APBA2: variants seen among roughly 807,000 people sequenced by gnomAD.
APBA2 encodes amyloid beta precursor protein binding family A member 2.
A neutral mutation model predicts 75.0 loss-of-function variants in APBA2; 30 were observed. The observed-to-expected ratio is 0.40, with a 90% CI of 0.30 to 0.54. The LOEUF (loss-of-function observed/expected upper bound fraction) is 0.54. APBA2 is among the 20% of genes least tolerant of loss of function. APBA2 has a pLI of 0.49. For missense variants in APBA2, 801 were observed against 1,016.1 expected, an observed-to-expected ratio of 0.79 and a Z score of 2.88; for synonymous variants, 444 against 409.6, an observed-to-expected ratio of 1.08 and a Z score of -1.01.
intron 4 of APBA2, among the ~76,000 whole-genome samples, chr15:29,062,444 T>C (rs1445871503): frequency 6.6e-6 from 1 of 152,170 alleles, no homozygotes; most frequent in Non-Finnish European, 1.5e-5. Flanking sequence ...CAATCCTGGC[T>C]GGCTCCGCAT....
At chr15:29,005,384 C>A (rs186441518) in intron 3 of APBA2, among the ~76,000 whole-genome samples, 340 of 152,246 alleles carry the variant, frequency 2.2e-3, no homozygotes, top group Non-Finnish European at 3.8e-3. Context: ...CCTTGGTCTC[C>A]CGAGTAGCTG....
intron 3 of APBA2, chr15:29,044,471 G>A (rs937525065): frequency 2.6e-5 from 4 of 152,128 alleles, no homozygotes; most frequent in African/African-American, 9.7e-5. Context: ...TTTCCAGATG[G>A]TGTGTTGTAC....
At position 28,991,649 on chromosome 15, in the gene APBA2, C is replaced by G. The variant is rs1314584763; in HGVS notation, c.-94-4104C>G. On this transcript the variant is annotated intron_variant, in intron 2 of 14. Coordinates refer to ENST00000683413, the MANE Select transcript of APBA2 (RefSeq NM_001353788.2). This position sits in a 1 kb window ranked among gnomAD's most constrained non-coding sequence, Gnocchi z 4.7. The stretch of plus-strand genomic sequence containing the variant: ...ATGGGCTGCAGCCATTAGGCTGGTA[C>G]CAGGAGGAGCCAGGTCGAGCTGGCA... 6.6e-6 allele frequency among the ~76,000 whole-genome samples: 1 copy of G among 152,130 alleles called. No individual in the cohort carries two copies. The highest frequency in any genetic ancestry group is 1.5e-5 in the Non-Finnish European group (1 of 68,024).
At position 28,908,315 on chromosome 15, in the gene APBA2, G is replaced by GTTTTTTTTTTTTTTTTTTTTT. The variant is rs765084356; in HGVS notation, c.-204-13312_-204-13311insTTTTTTTTTTTTTTTTTTTTT. On this transcript the variant is annotated intron_variant, in intron 1 of 14. Coordinates refer to ENST00000683413, the MANE Select transcript of APBA2 (RefSeq NM_001353788.2). ...TTGTTTTTGTTTGTTTTGTTTTCTT[G>GTTTTTTTTTTTTTTTTTTTTT]TTTTTTTTTTTTTGAGACAGAGTCT... Among the ~76,000 whole-genome samples the GTTTTTTTTTTTTTTTTTTTTT allele has an allele frequency of 1.6e-3, 221 of 137,522 alleles. 18 individuals are homozygous for GTTTTTTTTTTTTTTTTTTTTT. The highest frequency in any genetic ancestry group is 6.3e-3 in the African/African-American group (208 of 33,118). The allele number at this position is 137,522 out of a possible 152,430, so 90.2% of individuals were successfully genotyped here. A position where few individuals can be genotyped will look rare whatever the true frequency, so the allele number is the denominator to read the frequency against.
intron 3 of APBA2, among the ~76,000 whole-genome samples, chr15:29,043,387 A>C (rs945303109): frequency 4.6e-5 from 7 of 151,984 alleles, no homozygotes; most frequent in African/African-American, 1.7e-4. Context: ...GAGACTTAAC[A>C]CCCTTCCCAC....
chr15:28,930,144 C>T (rs1411709755), intron 2 of APBA2, among the ~76,000 whole-genome samples: 1 of 152,186 alleles, frequency 6.6e-6, no homozygotes, highest in Non-Finnish European at 1.5e-5. Flanking sequence ...AACCCTCCAG[C>T]CCCCGCCAGT....
intron 2 of APBA2, among the ~76,000 whole-genome samples, chr15:28,987,041 C>T (rs541979464): frequency 1.7e-4 from 26 of 152,218 alleles, no homozygotes; most frequent in African/African-American, 6.3e-4. Flanking sequence ...AGGCACAAAT[C>T]CCATTAATCA....
intron 1 of APBA2, among the ~76,000 whole-genome samples, chr15:28,899,539 A>C (rs537897248): frequency 1.3e-5 from 2 of 152,320 alleles, no homozygotes; most frequent in East Asian, 3.9e-4. Flanking sequence ...GTTGCGTTGC[A>C]GCCGGTTGGA....
chr15:28,899,671 C>T (rs774628291), intron 1 of APBA2, among the ~76,000 whole-genome samples: 10 of 152,168 alleles, frequency 6.6e-5, no homozygotes, highest in East Asian at 1.9e-4. Context: ...GGACTGGACA[C>T]GCGTGCAGGC....
rs188568763 is a variant in APBA2, at chr15:28,991,853, C to T, written c.-94-3900C>T. The stretch of plus-strand genomic sequence containing the variant: ...TATTGTTCACCAGATTCCACTTGCT[C>T]TACAACCCAGGCACAGTGCACCAGA... On this transcript the variant is annotated intron_variant, in intron 2 of 14. Coordinates refer to ENST00000683413, the MANE Select transcript of APBA2 (RefSeq NM_001353788.2). This position sits in a 1 kb window ranked among gnomAD's most constrained non-coding sequence, Gnocchi z 4.7. Among the ~76,000 whole-genome samples, 30 of 152,320 alleles carry T rather than the reference C, an allele frequency of 2.0e-4. No individual in the cohort carries two copies. The highest frequency in any genetic ancestry group is 7.0e-4 in the African/African-American group (29 of 41,574).
chr15:29,103,411 C>T (rs965781511), intron 10 of APBA2, among the ~76,000 whole-genome samples: 1 of 152,240 alleles, frequency 6.6e-6, no homozygotes, highest in East Asian at 1.9e-4. Flanking sequence ...CCTGGACTCA[C>T]AGCAGTGAAC....
At chr15:29,062,841 G>C (rs1353591619) in intron 4 of APBA2, among the ~76,000 whole-genome samples, 1 of 152,182 alleles carries the variant, frequency 6.6e-6, no homozygotes, top group African/African-American at 2.4e-5. Context: ...CAGCAGCTTG[G>C]GGCCCGGGAA....
chr15:29,103,738 G>C (rs970388473), intron 10 of APBA2, among the ~76,000 whole-genome samples: 1 of 152,208 alleles, frequency 6.6e-6, no homozygotes, highest in Non-Finnish European at 1.5e-5. Context: ...CCGGGCCTCC[G>C]GGGCTCCAGG....
chr15:28,929,013 C>T (rs1023546973), intron 2 of APBA2, among the ~76,000 whole-genome samples: 1 of 152,188 alleles, frequency 6.6e-6, no homozygotes, highest in African/African-American at 2.4e-5. Context: ...ACTCAATTCA[C>T]TGATGAGTCC....
chr15:29,029,343 AACC>A (rs1242992136), intron 3 of APBA2, among the ~76,000 whole-genome samples: 2 of 152,002 alleles, frequency 1.3e-5, no homozygotes, highest in East Asian at 3.9e-4. Flanking sequence ...AAAAAAAAAA[AACC>A]CCTCTGTAGT....
intron 6 of APBA2, among the ~76,000 whole-genome samples, chr15:29,086,592 T>TA (rs1265315699): frequency 9.8e-5 from 15 of 152,344 alleles, no homozygotes; most frequent in African/African-American, 3.6e-4. Context: ...CCATTAAGCT[T>TA]ACAGCAGTCT....
rs142152339 is a variant in APBA2, at chr15:28,936,601, C to G, written c.-95+14852C>G. 1.8e-4 allele frequency among the ~76,000 whole-genome samples: 28 copies of G among 152,352 alleles called. No individual in the cohort carries two copies. In the South Asian group the frequency reaches 5.8e-3, roughly 32 times the overall value. ...ACGTGCTGGGTGCCTGCTTGAGTGT[C>G]TCCTTTGTTCCTCTCTATCACTGGC... is the stretch of plus-strand genomic sequence containing the variant. On this transcript the variant is annotated intron_variant, in intron 2 of 14. Coordinates refer to ENST00000683413, the MANE Select transcript of APBA2 (RefSeq NM_001353788.2).
intron 2 of APBA2, among the ~76,000 whole-genome samples, chr15:28,959,156 T>C (rs1022220613): frequency 6.6e-6 from 1 of 152,118 alleles, no homozygotes. Flanking sequence ...GCCCAGCTAA[T>C]TTTTGTATTT....
At chr15:28,898,765 C>G (rs1185390790) in intron 1 of APBA2, among the ~76,000 whole-genome samples, 1 of 152,168 alleles carries the variant, frequency 6.6e-6, no homozygotes, top group African/African-American at 2.4e-5. Flanking sequence ...TGGAATGAGT[C>G]ATGGCTTCTT....
Sources: gnomAD v4.1 joint callset for allele counts (sites outside exome capture counted in the v4.1 genomes callset) on GRCh38, gnomAD v4.1.1 for gene constraint, Gnocchi (gnomAD v3.1) non-coding constraint, MANE v1.5 for transcripts, NCBI Gene and HGNC (gene_info 2026-07-23, HGNC 2026-07-21) for gene names.